The following SLC22A23 variants were observed in gnomAD, a reference collection of about 807,000 sequenced individuals.
The protein encoded by SLC22A23 is solute carrier family 22 member 23.
In SLC22A23, 26 loss-of-function variants were observed where a neutral mutation model predicts 61.0. That is an observed-to-expected ratio of 0.43 (90% CI 0.31 to 0.59). The LOEUF (loss-of-function observed/expected upper bound fraction) is 0.59, where lower values mean the gene tolerates loss of function less well. Among genes scored for constraint, SLC22A23 ranks in the 20% least tolerant of loss-of-function variants. SLC22A23 has a pLI of 0.11. For synonymous variants in SLC22A23, 430 were observed against 413.9 expected (o/e 1.04, Z -0.47); for missense variants, 796 against 934.7 (o/e 0.85, Z 1.94).
rs189493156 is a variant in SLC22A23, at chr6:3,402,595, A to T, written c.913+7593T>A. Among the ~76,000 whole-genome samples, 6 of 152,078 alleles carry T rather than the reference A, an allele frequency of 3.9e-5. No homozygotes were observed. In the East Asian group the frequency reaches 1.2e-3, roughly 29 times the overall value. On this transcript the variant is annotated intron_variant, in intron 3 of 9. Coordinates refer to ENST00000406686, the MANE Select transcript of SLC22A23 (RefSeq NM_015482.2). ...CCCAGAGTGCACTAGGCTCCAGCCA[A>T]CCCCAATCACCTATACTACCCAGAG...
chr6:3,393,557 T>C (rs1176573025), intron 3 of SLC22A23, among the ~76,000 whole-genome samples: 2 of 152,194 alleles, frequency 1.3e-5, no homozygotes, highest in Non-Finnish European at 2.9e-5. Context: ...AAGTTCCTCT[T>C]TGAAACTGTT....
intron 3 of SLC22A23, among the ~76,000 whole-genome samples, chr6:3,351,508 G>A (rs1764765765): frequency 6.6e-6 from 1 of 152,190 alleles, no homozygotes; most frequent in African/African-American, 2.4e-5. Flanking sequence ...AGGCAGCGGG[G>A]AACGTTCAGC....
chr6:3,333,722 G>T lies in SLC22A23; in HGVS notation c.914-9720C>A, dbSNP rs988969714. ...AGAGGAGAGTGCCTCCCCGACAGTG[G>T]TTTGCAAGTGTGGCCCCAGACCTGC... is the stretch of plus-strand genomic sequence containing the variant. On this transcript the variant is annotated intron_variant, in intron 3 of 9. Transcript: ENST00000406686. This position sits in a 1 kb window ranked among gnomAD's most constrained non-coding sequence, Gnocchi z 4.1. 9.9e-5 allele frequency among the ~76,000 whole-genome samples: 15 copies of T among 152,182 alleles called. No individual in the cohort carries two copies. Among genetic ancestry groups the T allele is most frequent in the African/African-American group, 3.6e-4 (15 of 41,446 alleles).
At chr6:3,411,162 T>C (rs1769212889) in intron 2 of SLC22A23, among the ~76,000 whole-genome samples, 1 of 152,226 alleles carries the variant, frequency 6.6e-6, no homozygotes, top group Non-Finnish European at 1.5e-5. Flanking sequence ...CCAGTTCCTG[T>C]GGCCCCATGC....
At chr6:3,434,445 C>T (rs1483240443) in intron 1 of SLC22A23, among the ~76,000 whole-genome samples, 4 of 151,700 alleles carry the variant, frequency 2.6e-5, no homozygotes, top group African/African-American at 9.7e-5. Flanking sequence ...CCCATATCTA[C>T]TAAAAATACA....
intron 3 of SLC22A23, among the ~76,000 whole-genome samples, chr6:3,401,034 G>A (rs1006500167): frequency 9.2e-5 from 14 of 152,112 alleles, no homozygotes; most frequent in African/African-American, 3.4e-4. Flanking sequence ...TCACTAAATT[G>A]TGCACACTTA....
chr6:3,341,465 C>G (rs1341971536), intron 3 of SLC22A23, among the ~76,000 whole-genome samples: 2 of 152,176 alleles, frequency 1.3e-5, no homozygotes, highest in South Asian at 4.1e-4. Flanking sequence ...TTTGTTCTCT[C>G]TCTCTCTCTT....
Position 3,298,204 on chromosome 6 carries a change from G to T in SLC22A23, c.1097C>A (p.Ser366Tyr). Reference sequence around the variant, plus strand: ...CTGGGTGGCCATTAGCCACCGGAGGGACTCGGGGAATATCCTTTAAAGACA... The same window carrying T: ...CTGGGTGGCCATTAGCCACCGGAGGTACTCGGGGAATATCCTTTAAAGACA... ...MLLYWSIFPESLRWLMATQQF... is the reference protein window; with the variant it reads ...MLLYWSIFPEYLRWLMATQQF... The change falls in exon 5 of 10, where the codon TCC becomes TAC. Residue 366 changes from serine (S) to tyrosine (Y), a missense_variant. Transcript: ENST00000406686. 6.3e-7 allele frequency: 1 copy of T among 1,595,636 alleles called. No individual in the cohort carries two copies. Among genetic ancestry groups the T allele is most frequent in the South Asian group, 1.1e-5 (1 of 87,780 alleles).
At chr6:3,405,042 C>T (rs9328168) in intron 3 of SLC22A23, among the ~76,000 whole-genome samples, 62,297 of 151,528 alleles carry the variant, frequency 0.41, 13,368 homozygotes, top group Non-Finnish European at 0.47. Context: ...GGGCGGATCA[C>T]GAGGTCAGGA....
chr6:3,310,249 A>AC (rs772022283), intron 4 of SLC22A23, among the ~76,000 whole-genome samples: 3 of 142,258 alleles, frequency 2.1e-5, no homozygotes, highest in South Asian at 2.2e-4. Flanking sequence ...CCTGTCTCCC[A>AC]GGGAGCACCC....
chr6:3,394,072 C>CA (rs1767848379), intron 3 of SLC22A23, among the ~76,000 whole-genome samples: 1 of 152,220 alleles, frequency 6.6e-6, no homozygotes. Flanking sequence ...TAAGATCCGG[C>CA]AGTGACCCCA....
At chr6:3,343,032 T>TC (rs1764235903) in intron 3 of SLC22A23, among the ~76,000 whole-genome samples, 1 of 152,336 alleles carries the variant, frequency 6.6e-6, no homozygotes, top group South Asian at 2.1e-4. Context: ...ATGCAATTTC[T>TC]CATCCTGCAT....
At chr6:3,371,027 T>C (rs1207839916) in intron 3 of SLC22A23, among the ~76,000 whole-genome samples, 1 of 152,248 alleles carries the variant, frequency 6.6e-6, no homozygotes, top group Non-Finnish European at 1.5e-5. Context: ...CTCCTCGAGC[T>C]GACGAGGATG....
In SLC22A23 at chr6:3,454,877, T is replaced by C. The variant is rs934051393; in HGVS notation, c.654+1029A>G. On this transcript the variant is annotated intron_variant, in intron 1 of 9. Transcript: ENST00000406686. The surrounding 1 kb of genome is among the most constrained non-coding windows in gnomAD (Gnocchi z 4.3). The stretch of plus-strand genomic sequence containing the variant: ...TACATGCACATTGACTATTTAAAAC[T>C]GTCCAATTTCATACATTTCGACAAA... Among the ~76,000 whole-genome samples, 5 of 152,202 alleles carry C rather than the reference T, an allele frequency of 3.3e-5. No homozygotes were observed. The highest frequency in any genetic ancestry group is 7.3e-5 in the Non-Finnish European group (5 of 68,042).
rs1042593509 is a variant in SLC22A23, at chr6:3,308,996, C to T, written c.1083-10778G>A. Among the ~76,000 whole-genome samples the T allele has an allele frequency of 2.0e-5, 3 of 151,318 alleles. No homozygotes were observed. Among genetic ancestry groups the T allele is most frequent in the South Asian group, 2.1e-4 (1 of 4,748 alleles). On this transcript the variant is annotated intron_variant, in intron 4 of 9. Coordinates refer to ENST00000406686, the MANE Select transcript of SLC22A23 (RefSeq NM_015482.2). The surrounding 1 kb of genome is among the most constrained non-coding windows in gnomAD (Gnocchi z 5.1). ...AACCCCAACAACCCACAGTGTGGAT[C>T]GGCAGGTCCCTAACCCCATGGCTTC...
At chr6:3,285,950 G>T (rs1759955143) in intron 7 of SLC22A23, among the ~76,000 whole-genome samples, 2 of 152,178 alleles carry the variant, frequency 1.3e-5, no homozygotes, top group African/African-American at 4.8e-5. Flanking sequence ...GGGAGAAGAG[G>T]CTCATCGGTC....
intron 1 of SLC22A23, 103 bp downstream of exon 1, chr6:3,455,799 ACACT>A (rs1772369314): frequency 7.5e-7 from 1 of 1,340,206 alleles, no homozygotes; most frequent in Non-Finnish European, 9.9e-7. Context: ...TGCCCTACAC[ACACT>A]CTAGCACCAC....
chr6:3,270,153 TAGCGGAACGG>T lies in SLC22A23; in HGVS notation c.*2892_*2901del, dbSNP rs904139897. On this transcript the variant is annotated 3_prime_UTR_variant, in exon 10 of 10. Coordinates refer to ENST00000406686, the MANE Select transcript of SLC22A23 (RefSeq NM_015482.2). ...TTATTGAAAGGCTGACAGGGTAGGC[TAGCGGAACGG>T]AGGGGTGTGTGGAGGAGAGTAGCAG... The T allele has an allele frequency of 2.0e-5, 3 of 152,342 alleles. No individual in the cohort carries two copies. Among genetic ancestry groups the T allele is most frequent in the African/African-American group, 7.2e-5 (3 of 41,412 alleles). The allele number at this position is 152,342 out of a possible 1,614,324, so 9.4% of individuals were successfully genotyped here.
At chr6:3,300,266 C>T (rs1226045874) in intron 4 of SLC22A23, among the ~76,000 whole-genome samples, 1 of 152,102 alleles carries the variant, frequency 6.6e-6, no homozygotes, top group Non-Finnish European at 1.5e-5. Context: ...GCCTCGGCCT[C>T]CCAAAATGCT....
Sources: allele counts gnomAD v4.1 joint callset (sites outside exome capture counted in the v4.1 genomes callset), GRCh38; gene constraint gnomAD v4.1.1; non-coding constraint Gnocchi (gnomAD v3.1); transcripts MANE v1.5; gene names NCBI Gene and HGNC (gene_info 2026-07-23, HGNC 2026-07-21).